PBX1: variants seen among roughly 807,000 people sequenced by gnomAD.
PBX1 encodes pre-B-cell leukemia transcription factor 1.
A neutral mutation model predicts 53.4 loss-of-function variants in PBX1; 6 were observed. That is an observed-to-expected ratio of 0.11 (90% confidence interval 0.06 to 0.22). The LOEUF is 0.22. Among genes scored for constraint, PBX1 ranks in the 10% least tolerant of loss-of-function variants. PBX1 has a pLI of 1.00. For synonymous variants in PBX1, 204 were observed against 212.3 expected (o/e 0.96, Z 0.34); for missense variants, 251 against 551.4 (o/e 0.46, Z 5.46).
At chr1:164,816,044 G>T (rs542702116) in intron 6 of PBX1, 1 of 152,188 alleles carries the variant, frequency 6.6e-6, no homozygotes, top group African/African-American at 2.4e-5. Context: ...TTATAATTTT[G>T]TTTTTTAAAA....
intron 2 of PBX1, among the ~76,000 whole-genome samples, chr1:164,863,673 A>G (rs1281240018): frequency 6.6e-6 from 1 of 152,202 alleles, no homozygotes; most frequent in Non-Finnish European, 1.5e-5. Flanking sequence ...CAAATTAGTT[A>G]AATATGGACA....
intron 7 of PBX1, among the ~76,000 whole-genome samples, chr1:164,820,843 G>A (rs927616427): frequency 5.3e-5 from 8 of 152,098 alleles, no homozygotes; most frequent in African/African-American, 1.2e-4. Context: ...GTTGTGAGAG[G>A]GTAAAGTAGT....
At chr1:164,648,720 G>A (rs946011684) in intron 2 of PBX1, among the ~76,000 whole-genome samples, 3 of 152,164 alleles carry the variant, frequency 2.0e-5, no homozygotes, top group Non-Finnish European at 4.4e-5. Flanking sequence ...TGCCCTTGGC[G>A]GGAGGGCGTT....
Position 164,792,568 on chromosome 1 carries a change from G to T in PBX1, c.340G>T (p.Ala114Ser). ...GATGCGGCTGGACAACATGCTGTTAGCGGAAGGCGTGGCGGGGCCTGAGAA... is the reference window on the plus strand; with the variant it reads ...GATGCGGCTGGACAACATGCTGTTATCGGAAGGCGTGGCGGGGCCTGAGAA... ...QLMRLDNMLL[A>S]EGVAGPEKGG... Residue 114 changes from alanine to serine, a missense_variant, in exon 3 of 9, where the codon GCG becomes TCG. By Grantham distance (99) the Ala-to-Ser change is moderately conservative. Coordinates refer to ENST00000420696, the MANE Select transcript of PBX1 (RefSeq NM_002585.4). 2 of 1,614,156 alleles carry T rather than the reference G, an allele frequency of 1.2e-6. No individual in the cohort carries two copies. Among genetic ancestry groups the T allele is most frequent in the Non-Finnish European group, 1.7e-6 (2 of 1,180,002 alleles).
At chr1:164,775,200 G>A (rs965142037) in intron 2 of PBX1, among the ~76,000 whole-genome samples, 1 of 152,084 alleles carries the variant, frequency 6.6e-6, no homozygotes, top group Non-Finnish European at 1.5e-5. Flanking sequence ...CTCTGTTAAC[G>A]GAAGGAGCCA....
At chr1:164,738,307 A>G (rs1183422967) in intron 2 of PBX1, among the ~76,000 whole-genome samples, 1 of 152,052 alleles carries the variant, frequency 6.6e-6, no homozygotes, top group Non-Finnish European at 1.5e-5. Flanking sequence ...CTCTCTCTCT[A>G]TTTGGAGACA....
chr1:164,563,149 C>G, intron 1 of PBX1, 89 bp from the exon 2 acceptor site: 1 of 872,690 alleles, frequency 1.1e-6, no homozygotes, highest in Non-Finnish European at 1.9e-6. Flanking sequence ...ATAATTTTGT[C>G]TAAATGTTCA....
rs77879806 is a variant in PBX1 at position 164,607,738 on chromosome 1, AT to A, written c.265+44428del. 3.4e-3 allele frequency among the ~76,000 whole-genome samples: 513 copies of A among 152,326 alleles called. 9 individuals carry two copies. The highest frequency in any genetic ancestry group is 0.026 in the Admixed American group (395 of 15,298). On this transcript the variant is annotated intron_variant, in intron 2 of 8. Coordinates refer to ENST00000420696, the MANE Select transcript of PBX1 (RefSeq NM_002585.4). ...CAGGGCCAAACCCTGAGAAGGCCAAATATTTGGCAAGGTGGTTAGTGGAGAG... is the reference window on the plus strand; with the variant it reads ...CAGGGCCAAACCCTGAGAAGGCCAAAATTTGGCAAGGTGGTTAGTGGAGAG...
chr1:164,590,508 C>T (rs1404739262), intron 2 of PBX1: 5 of 455,556 alleles, frequency 1.1e-5, no homozygotes, highest in South Asian at 6.2e-5. Context: ...TGAGAGGTGC[C>T]GTTTTTGGTG....
chr1:164,568,491 C>T (rs544145807), intron 2 of PBX1, among the ~76,000 whole-genome samples: 1 of 152,214 alleles, frequency 6.6e-6, no homozygotes, highest in Admixed American at 6.5e-5. Context: ...AATTTTGGTT[C>T]CATTGCCCTT....
At chr1:164,732,025 T>C (rs1323903819) in intron 2 of PBX1, among the ~76,000 whole-genome samples, 5 of 152,080 alleles carry the variant, frequency 3.3e-5, no homozygotes, top group Admixed American at 2.0e-4. Context: ...AGGGACAATG[T>C]TGGGGAGAGG....
intron 2 of PBX1, 92 bp from the exon 3 acceptor site, chr1:164,792,402 A>G: frequency 2.0e-6 from 3 of 1,531,438 alleles, no homozygotes; most frequent in Non-Finnish European, 2.6e-6. Context: ...GTAACTTGGC[A>G]GCTTATGTAG....
chr1:164,592,395 A>G (rs1386664385), intron 2 of PBX1, among the ~76,000 whole-genome samples: 1 of 152,228 alleles, frequency 6.6e-6, no homozygotes, highest in African/African-American at 2.4e-5. Flanking sequence ...TTTGCCTAGT[A>G]GCCCAACTTT....
chr1:164,654,852 G>T (rs1660053366), intron 2 of PBX1, among the ~76,000 whole-genome samples: 1 of 152,186 alleles, frequency 6.6e-6, no homozygotes, highest in Non-Finnish European at 1.5e-5. Flanking sequence ...CTGGGTATAA[G>T]AAATAGATAA....
chr1:164,852,727 C>T (rs144530293), downstream of PBX1, among the ~76,000 whole-genome samples: 30 of 152,340 alleles, frequency 2.0e-4, no homozygotes, highest in East Asian at 5.6e-3. Context: ...AAAGCATCCC[C>T]AGCCTATGGG....
intron 2 of PBX1, among the ~76,000 whole-genome samples, chr1:164,586,529 A>C (rs2101754373): frequency 6.6e-6 from 1 of 152,256 alleles, no homozygotes; most frequent in East Asian, 1.9e-4. Context: ...CTTATCTGTA[A>C]TGGGGGCACT....
intron 2 of PBX1, among the ~76,000 whole-genome samples, chr1:164,688,273 T>A (rs1417490155): frequency 6.6e-6 from 1 of 152,146 alleles, no homozygotes; most frequent in African/African-American, 2.4e-5. Context: ...TAAAAAACAT[T>A]CCTCAGTTCG....
chr1:164,748,573 A>T (rs2102187016), intron 2 of PBX1, among the ~76,000 whole-genome samples: 1 of 152,294 alleles, frequency 6.6e-6, no homozygotes, highest in African/African-American at 2.4e-5. Flanking sequence ...TTTCCCTGTG[A>T]TTCACATATT....
At chr1:164,751,476 T>C (rs1481720639) in intron 2 of PBX1, among the ~76,000 whole-genome samples, 2 of 152,132 alleles carry the variant, frequency 1.3e-5, no homozygotes, top group Non-Finnish European at 2.9e-5. Flanking sequence ...TTAAAAAGAT[T>C]TGTAAAAATG....
Sources: gnomAD v4.1 joint callset for allele counts (sites outside exome capture counted in the v4.1 genomes callset) on GRCh38, gnomAD v4.1.1 for gene constraint, MANE v1.5 for transcripts, NCBI Gene and HGNC (gene_info 2026-07-23, HGNC 2026-07-21) for gene names.